The following KPTN variants were observed in gnomAD, a reference collection of about 807,000 sequenced individuals.
KPTN encodes kaptin, actin binding protein, also known as KICSTOR complex protein kaptin.
Under a neutral mutation model 52.6 loss-of-function variants are expected in KPTN, and 36 were observed. The observed-to-expected ratio is 0.68, with a 90% CI of 0.52 to 0.90. The LOEUF is 0.90. Among genes scored for constraint, KPTN ranks in the 40% least tolerant of loss-of-function variants. The pLI is 0.00. For missense variants in KPTN, 529 were observed against 576.2 expected, an observed-to-expected ratio of 0.92 and a Z score of 0.84; for synonymous variants, 271 against 248.4, an observed-to-expected ratio of 1.09 and a Z score of -0.85.
At position 47,480,404 on chromosome 19, in the gene KPTN, G is replaced by A. The variant is rs750405567; in HGVS notation, c.603C>T (p.Val201=). Residue 201 remains valine (V), a synonymous_variant, in exon 7 of 12, where the codon GTC becomes GTT. Coordinates refer to ENST00000338134, the MANE Select transcript of KPTN (RefSeq NM_007059.4). ...FPELTNLTSS[V]LWLDVHNFPG... ...GGAAGTTGTGGACGTCCAGCCAGAG[G>A]ACGCTGGCGGGCGGGTGGATGGACA... 2 of 1,545,484 alleles carry A rather than the reference G, an allele frequency of 1.3e-6. No individual in the cohort carries two copies. The highest frequency in any genetic ancestry group is 1.2e-5 in the South Asian group (1 of 83,346).
At chr19:47,482,997 G>T in intron 4 of KPTN, 164 bp downstream of exon 4, 1 of 735,402 alleles carries the variant, frequency 1.4e-6, no homozygotes, top group Non-Finnish European at 2.4e-6. Context: ...GTGAGCCACC[G>T]TGCCCGGCTG....
At position 47,476,658 on chromosome 19, in the gene KPTN, G is replaced by A. The variant is rs73940855; in HGVS notation, c.1056C>T (p.His352=). ...GPESGLPEAQ[H]GFHLLWQRSF... ...TCCGCTGCCACAGCAGATGGAACCC[G>A]TGCTGGGCCTCAGGAAGCCCCGACT... Residue 352 remains histidine (H), a synonymous_variant, in exon 11 of 12, where the codon CAC becomes CAT. Transcript: ENST00000338134. 4,614 of 1,612,904 alleles carry A rather than the reference G, an allele frequency of 2.9e-3. 85 individuals are homozygous for A. In the African/African-American group the frequency reaches 0.049, roughly 17 times the overall value.
chr19:47,477,249 G>A (rs1383683744), intron 9 of KPTN, among the ~76,000 whole-genome samples: 1 of 152,204 alleles, frequency 6.6e-6, no homozygotes, highest in Non-Finnish European at 1.5e-5. Context: ...GGAGCCCGAA[G>A]AGGGCTTGGC....
intron 1 of KPTN, 134 bp from the exon 2 acceptor site, chr19:47,483,718 C>G: frequency 1.1e-6 from 1 of 890,914 alleles, no homozygotes; most frequent in Non-Finnish European, 1.7e-6. Flanking sequence ...GATCTCTGTT[C>G]CCTGGGTACT....
Position 47,476,787 on chromosome 19 carries a change from A to G in KPTN, c.999+16T>C, listed in dbSNP as rs1967685233. On this transcript the variant is annotated intron_variant, in intron 10 of 11. Coordinates refer to ENST00000338134, the MANE Select transcript of KPTN (RefSeq NM_007059.4). Reference sequence around the variant, plus strand: ...GAGGGAGGCCGGTGGGTGTGGCTCCAACTGTCAGGTCCCACCTGTCCATAG... The same window carrying G: ...GAGGGAGGCCGGTGGGTGTGGCTCCGACTGTCAGGTCCCACCTGTCCATAG... 1 of 1,594,522 alleles carries G rather than the reference A, an allele frequency of 6.3e-7. No homozygotes were observed. Among genetic ancestry groups the G allele is most frequent in the Non-Finnish European group, 8.5e-7 (1 of 1,170,640 alleles).
chr19:47,475,648 C>T (rs984900656), intron 11 of KPTN, 104 bp from the exon 12 acceptor site: 1 of 1,381,608 alleles, frequency 7.2e-7, no homozygotes, highest in Admixed American at 2.0e-5. Context: ...GAGCTCGGCC[C>T]ACGTGGGAGG....
chr19:47,477,620 G>A (rs1480180740), intron 9 of KPTN, 86 bp downstream of exon 9: 1 of 1,028,680 alleles, frequency 9.7e-7, no homozygotes, highest in Admixed American at 1.8e-5. Context: ...TCCACCCAGA[G>A]GAACTTACTG....
At chr19:47,482,439 G>A (rs1967909115) in intron 4 of KPTN, among the ~76,000 whole-genome samples, 1 of 141,028 alleles carries the variant, frequency 7.1e-6, no homozygotes, top group South Asian at 2.2e-4. Context: ...CAGAGATCGA[G>A]CCACTGCACT....
intron 6 of KPTN, 155 bp from the exon 7 acceptor site, chr19:47,480,562 A>G: frequency 1.4e-6 from 1 of 730,168 alleles, no homozygotes; most frequent in Non-Finnish European, 2.3e-6. Flanking sequence ...CTCTGAGGTC[A>G]ATTCTCACCA....
intron 1 of KPTN, 68 bp from the exon 2 acceptor site, chr19:47,483,652 G>A (rs974067415): frequency 1.6e-6 from 2 of 1,214,336 alleles, no homozygotes; most frequent in African/African-American, 3.0e-5. Flanking sequence ...AACATGGTGA[G>A]CTCTGGCTAC....
At chr19:47,480,256 C>G in intron 7 of KPTN, 42 bp downstream of exon 7, 1 of 1,150,296 alleles carries the variant, frequency 8.7e-7, no homozygotes, top group Non-Finnish European at 1.2e-6. Context: ...CGCCCTCTAG[C>G]CCTCAACCCC....
rs1486573532 is a variant in KPTN at position 47,479,943 on chromosome 19, G to A, written c.710-3C>T. 6.2e-7 allele frequency: 1 copy of A among 1,609,346 alleles called. No individual in the cohort carries two copies. The highest frequency in any genetic ancestry group is 8.5e-7 in the Non-Finnish European group (1 of 1,177,384). Reference sequence around the variant, plus strand: ...GACCGACCACATCTGCAGAACCTCTGCGTGGAGAGCGAGGATTCAGAGCCC... The same window carrying A: ...GACCGACCACATCTGCAGAACCTCTACGTGGAGAGCGAGGATTCAGAGCCC... On this transcript the variant is annotated splice_region_variant and splice_polypyrimidine_tract_variant and intron_variant, in intron 7 of 11. Coordinates refer to ENST00000338134, the MANE Select transcript of KPTN (RefSeq NM_007059.4).
rs200822662 is a variant in KPTN, at chr19:47,476,810, T to G, written c.992A>C (p.Tyr331Ser). The G allele has an allele frequency of 4.8e-5, 76 of 1,589,264 alleles. 1 individual carries two copies. In the African/African-American group the frequency reaches 9.6e-4, roughly 20 times the overall value. ...DGRPEVLVAT[Y>S]GQELLCYKYR... ...CCAACTGTCAGGTCCCACCTGTCCA[T>G]AGGTGGCCACCAGGACTTCTGGCCG... The change falls in exon 10 of 12, where the codon TAT becomes TCT. Residue 331 changes from tyrosine to serine, a missense_variant. By Grantham distance (144) the Tyr-to-Ser change is moderately radical (BLOSUM62 -2). Coordinates refer to ENST00000338134, the MANE Select transcript of KPTN (RefSeq NM_007059.4).
In KPTN at chr19:47,477,749, T is replaced by C; in HGVS notation, c.820A>G (p.Ser274Gly). The change falls in exon 9 of 12, where the codon AGC (serine) becomes GGC (glycine). Residue 274 changes from serine to glycine, a missense_variant. Ser to Gly is a moderately conservative substitution (Grantham distance 56, BLOSUM62 0). Coordinates refer to ENST00000338134, the MANE Select transcript of KPTN (RefSeq NM_007059.4). Reference protein sequence around the residue: ...TKDRPLQDEYSVLVASMLEPA... With the variant: ...TKDRPLQDEYGVLVASMLEPA... ...TCCAACATGCTGGCCACGAGCACGC[T>C]GTACTCATCTTGTAGTGGCCTGTCC... 6.2e-7 allele frequency: 1 copy of C among 1,613,790 alleles called. No homozygotes were observed. The highest frequency in any genetic ancestry group is 8.5e-7 in the Non-Finnish European group (1 of 1,179,742).
chr19:47,475,980 C>T (rs1354368354), intron 11 of KPTN: 1 of 134,860 alleles, frequency 7.4e-6, no homozygotes, highest in African/African-American at 2.9e-5. Context: ...GACTCTGTCT[C>T]GAAAACAAAC....
At chr19:47,482,603 A>AT (rs1967921425) in intron 4 of KPTN, among the ~76,000 whole-genome samples, 1 of 152,092 alleles carries the variant, frequency 6.6e-6, no homozygotes, top group African/African-American at 2.4e-5. Flanking sequence ...TCAGCTGCAT[A>AT]TGTGTGTGTG....
At chr19:47,483,908 GC>G in intron 1 of KPTN, 26 bp downstream of exon 1, 4 of 1,611,048 alleles carry the variant, frequency 2.5e-6, no homozygotes, top group Non-Finnish European at 8.5e-7. Flanking sequence ...CCAGGCCCCC[GC>G]CCCCCAGCAC....
At chr19:47,476,981 AGT>A in intron 9 of KPTN, 43 bp from the exon 10 acceptor site, 2 of 1,542,478 alleles carry the variant, frequency 1.3e-6, no homozygotes, top group Non-Finnish European at 8.8e-7. Context: ...GTCAGCTTGC[AGT>A]GCCCAGCACC....
Position 47,476,826 on chromosome 19 carries a change from C to G in KPTN, c.976G>C (p.Val326Leu). Residue 326 changes from valine to leucine, a missense_variant, in exon 10 of 12, where the codon GTC (valine) becomes CTC (leucine). By Grantham distance (32) the Val-to-Leu change is conservative. Transcript: ENST00000338134. ...TDVDLDGRPE[V>L]LVATYGQELL... The stretch of plus-strand genomic sequence containing the variant: ...ACCTGTCCATAGGTGGCCACCAGGA[C>G]TTCTGGCCGCCCATCCAAATCCACA... The G allele has an allele frequency of 6.3e-7, 1 of 1,584,080 alleles. No individual in the cohort carries two copies.
Sources: gnomAD v4.1 joint callset for allele counts (sites outside exome capture counted in the v4.1 genomes callset) on GRCh38, gnomAD v4.1.1 for gene constraint, MANE v1.5 for transcripts, NCBI Gene and HGNC (gene_info 2026-07-23, HGNC 2026-07-21) for gene names.